Variants in TMEM232 observed in about 807,000 individuals in gnomAD.
TMEM232 encodes transmembrane protein 232.
TMEM232 carries 80 observed loss-of-function variants against 78.8 expected under a neutral mutation model. The observed-to-expected ratio is 1.01, with a 90% CI of 0.85 to 1.22. The LOEUF (loss-of-function observed/expected upper bound fraction) is 1.22, where lower values mean the gene tolerates loss of function less well. Among genes scored for constraint, TMEM232 ranks in the 50% most tolerant of loss-of-function variants. The pLI is 0.00. For missense variants in TMEM232, 881 were observed against 742.2 expected, an observed-to-expected ratio of 1.19 and a Z score of -2.17; for synonymous variants, 297 against 254.3, an observed-to-expected ratio of 1.17 and a Z score of -1.60.
At chr5:110,693,701 T>C (rs900095588) in intron 1 of TMEM232, among the ~76,000 whole-genome samples, 8 of 152,000 alleles carry the variant, frequency 5.3e-5, no homozygotes, top group Admixed American at 3.3e-4. Context: ...AGAAAGGGTA[T>C]CAATGATGGA....
At chr5:110,427,091 G>T (rs1395050028) in intron 12 of TMEM232, among the ~76,000 whole-genome samples, 2 of 151,914 alleles carry the variant, frequency 1.3e-5, no homozygotes, top group Non-Finnish European at 2.9e-5. Context: ...AGAACATAAT[G>T]AAAGATAACA....
rs147079276 is a variant in TMEM232 at position 110,461,277 on chromosome 5, T to A, written c.1704-36361A>T. Reference sequence around the variant, plus strand: ...GATTAAAAAAAAAAGTAAAACAATTTAATTGCTGATATGGAGAAAGTTTTC... The same window carrying A: ...GATTAAAAAAAAAAGTAAAACAATTAAATTGCTGATATGGAGAAAGTTTTC... On this transcript the variant is annotated intron_variant, in intron 12 of 13. Transcript: ENST00000455884. Among the ~76,000 whole-genome samples, 791 of 152,142 alleles carry A rather than the reference T, an allele frequency of 5.2e-3. 3 individuals carry two copies. The highest frequency in any genetic ancestry group is 8.1e-3 in the Non-Finnish European group (548 of 67,988).
At chr5:110,478,027 CAT>C (rs1461943368) in intron 12 of TMEM232, among the ~76,000 whole-genome samples, 5 of 151,996 alleles carry the variant, frequency 3.3e-5, no homozygotes, top group Non-Finnish European at 2.9e-5. Context: ...GAAAGGCATT[CAT>C]TACTACATTC....
intron 1 of TMEM232, among the ~76,000 whole-genome samples, chr5:110,698,686 A>T (rs1176027090): frequency 6.6e-6 from 1 of 152,034 alleles, no homozygotes; most frequent in Non-Finnish European, 1.5e-5. Context: ...AATTAGCTTT[A>T]CTTAGGACCT....
chr5:110,648,800 T>A (rs1787884991), intron 2 of TMEM232, among the ~76,000 whole-genome samples: 1 of 152,132 alleles, frequency 6.6e-6, no homozygotes, highest in Non-Finnish European at 1.5e-5. Context: ...TTTGCAGGAC[T>A]TTTTAAGTCA....
At chr5:110,670,236 T>G (rs996751856) in intron 1 of TMEM232, among the ~76,000 whole-genome samples, 1 of 152,146 alleles carries the variant, frequency 6.6e-6, no homozygotes, top group Non-Finnish European at 1.5e-5. Flanking sequence ...GAAAACCCCA[T>G]TGTCTCAGCC....
intron 2 of TMEM232, among the ~76,000 whole-genome samples, chr5:110,732,198 T>C (rs943764832): frequency 2.6e-5 from 4 of 152,206 alleles, no homozygotes; most frequent in African/African-American, 7.2e-5. Context: ...TTCATATCAT[T>C]ATCAGCATTT....
At chr5:110,660,927 G>C (rs1056912356) in intron 2 of TMEM232, among the ~76,000 whole-genome samples, 1 of 152,070 alleles carries the variant, frequency 6.6e-6, no homozygotes, top group African/African-American at 2.4e-5. Context: ...TTAAACACTA[G>C]AACTTATTCC....
chr5:110,662,988 A>G (rs1292206292), intron 2 of TMEM232, among the ~76,000 whole-genome samples: 1 of 152,144 alleles, frequency 6.6e-6, no homozygotes, highest in African/African-American at 2.4e-5. Context: ...ATAAAAATTA[A>G]TAAGTTCTAG....
At chr5:110,688,896 T>C (rs1452923145) in intron 1 of TMEM232, among the ~76,000 whole-genome samples, 1 of 152,156 alleles carries the variant, frequency 6.6e-6, no homozygotes, top group Non-Finnish European at 1.5e-5. Context: ...CAATGCAAAT[T>C]GATAGCTTTA....
chr5:110,714,811 T>C (rs1287724546), intron 1 of TMEM232, among the ~76,000 whole-genome samples: 2 of 152,200 alleles, frequency 1.3e-5, no homozygotes, highest in African/African-American at 4.8e-5. Context: ...AATTAAAATA[T>C]GGTGCCTTTC....
chr5:110,686,875 TTC>T (rs2150205932), intron 1 of TMEM232, among the ~76,000 whole-genome samples: 1 of 152,156 alleles, frequency 6.6e-6, no homozygotes, highest in East Asian at 1.9e-4. Context: ...TGTCTAAATC[TTC>T]CTTTCACGGT....
intron 1 of TMEM232, among the ~76,000 whole-genome samples, chr5:110,701,119 A>C (rs1322062063): frequency 2.0e-5 from 3 of 151,970 alleles, no homozygotes; most frequent in Non-Finnish European, 2.9e-5. Flanking sequence ...AAGGAAAATG[A>C]TTTTGGAAAT....
chr5:110,501,378 A>G lies in TMEM232; in HGVS notation c.1703+27210T>C, dbSNP rs528962941. ...GAAAAGTAGAATGTAAATACTAATT[A>G]GTCTTATTATAATAATTATATTTTA... On this transcript the variant is annotated intron_variant, in intron 12 of 13. Transcript: ENST00000455884. Among the ~76,000 whole-genome samples, 21 of 152,022 alleles carry G rather than the reference A, an allele frequency of 1.4e-4. No homozygotes were observed. In the East Asian group the frequency reaches 3.3e-3, roughly 24 times the overall value.
intron 1 of TMEM232, among the ~76,000 whole-genome samples, chr5:110,704,343 C>T (rs1433937554): frequency 6.6e-6 from 1 of 151,998 alleles, no homozygotes; most frequent in Non-Finnish European, 1.5e-5. Context: ...TTAAAGAAAA[C>T]TCCAACACCT....
intron 12 of TMEM232, among the ~76,000 whole-genome samples, chr5:110,437,660 C>T (rs160456): frequency 0.22 from 33,282 of 151,854 alleles, 7,771 homozygotes; most frequent in African/African-American, 0.58. Context: ...AAAAGAAAAA[C>T]ATAGGTAAGA....
At chr5:110,469,531 T>C (rs1762443111) in intron 12 of TMEM232, among the ~76,000 whole-genome samples, 1 of 152,214 alleles carries the variant, frequency 6.6e-6, no homozygotes, top group African/African-American at 2.4e-5. Flanking sequence ...AAGCCACTGC[T>C]GCACTCTGAA....
intron 2 of TMEM232, among the ~76,000 whole-genome samples, chr5:110,733,713 A>AG (rs1225904087): frequency 6.6e-6 from 1 of 152,182 alleles, no homozygotes; most frequent in Non-Finnish European, 1.5e-5. Context: ...AGAGAGGATC[A>AG]GAAAAAAAAC....
rs182282626 is a variant in TMEM232 at position 110,399,243 on chromosome 5, G to A, written n.309-1389C>T. 1.8e-4 allele frequency among the ~76,000 whole-genome samples: 27 copies of A among 152,216 alleles called. No homozygotes were observed. The East Asian group carries it at 5.0e-3, about 28-fold the overall frequency. On this transcript the variant is annotated intron_variant and non_coding_transcript_variant, in intron 2 of 8. Transcript: ENST00000507188. ...ATAGCCATTAATCCTGCTGTCAGGA[G>A]GAATAAAGATACTTCCTGAGTAAGG...
Sources: allele counts gnomAD v4.1 joint callset (sites outside exome capture counted in the v4.1 genomes callset), GRCh38; gene constraint gnomAD v4.1.1; transcripts MANE v1.5; gene names NCBI Gene and HGNC (gene_info 2026-07-23, HGNC 2026-07-21).